The following PCDHA6 variants were observed in gnomAD, a reference collection of about 807,000 sequenced individuals.
The protein encoded by PCDHA6 is protocadherin alpha 6, also known as protocadherin alpha-6.
In PCDHA6, 55 loss-of-function variants were observed where a neutral mutation model predicts 60.3. The observed-to-expected ratio is 0.91, with a 90% CI of 0.73 to 1.14. The LOEUF is 1.14. Among genes scored for constraint, PCDHA6 ranks in the 50% most tolerant of loss-of-function variants. The pLI, the probability that PCDHA6 is intolerant of heterozygous loss-of-function variation, is 0.00. For synonymous variants in PCDHA6, 652 were observed against 557.9 expected (o/e 1.17, Z -2.38); for missense variants, 1,327 against 1,256.5 (o/e 1.06, Z -0.85).
At chr5:140,944,608 G>T (rs2093673405) in intron 1 of PCDHA6, among the ~76,000 whole-genome samples, 1 of 152,176 alleles carries the variant, frequency 6.6e-6, no homozygotes, top group Non-Finnish European at 1.5e-5. Context: ...AGAGTAGTGT[G>T]CTGTAGAAGT....
intron 1 of PCDHA6, chr5:140,863,482 A>C (rs2048042905): frequency 4.3e-6 from 2 of 466,950 alleles, no homozygotes; most frequent in East Asian, 1.2e-4. Context: ...TCGCCTCCCA[A>C]GGTCAACATT....
chr5:140,848,579 C>A lies in PCDHA6; in HGVS notation c.2394+18094C>A, dbSNP rs2150413279. Reference sequence around the variant, plus strand: ...TCCTCGCAATGTGGGTGGTGGGGAGCGGCCAGCTCCACTACTCCGTCCCGG... The same window carrying A: ...TCCTCGCAATGTGGGTGGTGGGGAGAGGCCAGCTCCACTACTCCGTCCCGG... On this transcript the variant is annotated intron_variant, in intron 1 of 3. Transcript: ENST00000529310. 0.52 allele frequency: 831,192 copies of A among 1,591,790 alleles called. 256,408 individuals are homozygous for A. Among genetic ancestry groups the A allele is most frequent in the South Asian group, 0.62 (55,610 of 90,064 alleles).
rs782207845 is a variant in PCDHA6, at chr5:140,829,779, C to T, written c.1688C>T (p.Pro563Leu). Residue 563 changes from proline to leucine, a missense_variant, in exon 1 of 4, where the codon CCG becomes CTG. Transcript: ENST00000529310. ...GTGCTGGACGAGAACGACAACGCGCCGGCGCTGCTGGCGCCTCGGGTGGGT... is the reference window on the plus strand; with the variant it reads ...GTGCTGGACGAGAACGACAACGCGCTGGCGCTGCTGGCGCCTCGGGTGGGT... ...VFVLDENDNAPALLAPRVGGT... is the reference protein window; with the variant it reads ...VFVLDENDNALALLAPRVGGT... 10 of 1,613,790 alleles carry T rather than the reference C, an allele frequency of 6.2e-6. No homozygotes were observed. Among genetic ancestry groups the T allele is most frequent in the Non-Finnish European group, 6.8e-6 (8 of 1,179,862 alleles).
At chr5:140,987,444 C>T (rs2097254283) in intron 3 of PCDHA6, among the ~76,000 whole-genome samples, 2 of 151,998 alleles carry the variant, frequency 1.3e-5, no homozygotes, top group Admixed American at 6.6e-5. Flanking sequence ...TCCCCATGCC[C>T]GAGAGATAAT....
intron 1 of PCDHA6, chr5:140,850,108 G>C (rs2150467680): frequency 6.3e-7 from 1 of 1,596,108 alleles, no homozygotes; most frequent in East Asian, 2.2e-5. Context: ...GTGAGCGCGC[G>C]CGACGCGGGC....
chr5:140,916,687 T>G (rs265312), intron 1 of PCDHA6, among the ~76,000 whole-genome samples: 87,944 of 152,010 alleles, frequency 0.58, 26,395 homozygotes, highest in African/African-American at 0.75. Flanking sequence ...TTTACTCTTT[T>G]CTCTCCTCTC....
intron 1 of PCDHA6, among the ~76,000 whole-genome samples, chr5:140,886,431 ATTTG>A (rs1272820447): frequency 6.6e-6 from 1 of 152,012 alleles, no homozygotes; most frequent in East Asian, 1.9e-4. Context: ...ATTTCTATTC[ATTTG>A]TTTGTACTAA....
intron 1 of PCDHA6, among the ~76,000 whole-genome samples, chr5:140,887,378 G>C (rs1407679123): frequency 6.6e-6 from 1 of 152,176 alleles, no homozygotes; most frequent in East Asian, 1.9e-4. Flanking sequence ...TTACAGGTGT[G>C]AGCCACCGCG....
chr5:140,876,306 C>A (rs2056271023), intron 1 of PCDHA6: 1 of 1,613,986 alleles, frequency 6.2e-7, no homozygotes, highest in Non-Finnish European at 8.5e-7. Context: ...GAGAAATTTC[C>A]TATGGGATCA....
At chr5:140,860,205 A>G (rs1007227708) in intron 1 of PCDHA6, 2 of 149,744 alleles carry the variant, frequency 1.3e-5, no homozygotes, top group East Asian at 3.9e-4. Flanking sequence ...ATATATCTAT[A>G]TATGTACTTA....
chr5:140,967,240 C>T, intron 1 of PCDHA6: 1 of 1,613,644 alleles, frequency 6.2e-7, no homozygotes, highest in African/African-American at 1.3e-5. Flanking sequence ...TTCAGGTAAG[C>T]GAATCGGTGG....
chr5:140,912,235 C>G (rs562096532), intron 1 of PCDHA6, among the ~76,000 whole-genome samples: 2 of 151,858 alleles, frequency 1.3e-5, no homozygotes, highest in South Asian at 4.2e-4. Context: ...TCCACTGACT[C>G]AAATGTTAAT....
intron 1 of PCDHA6, among the ~76,000 whole-genome samples, chr5:140,970,092 A>C (rs1554232243): frequency 6.6e-6 from 1 of 151,978 alleles, no homozygotes; most frequent in East Asian, 1.9e-4. Context: ...GTGTGGGGGG[A>C]TGGTGAAGAC....
intron 1 of PCDHA6, among the ~76,000 whole-genome samples, chr5:140,960,257 C>T (rs1554224600): frequency 6.6e-6 from 1 of 152,186 alleles, no homozygotes; most frequent in African/African-American, 2.4e-5. Flanking sequence ...CCTGGAGCTT[C>T]TGATAAATTC....
rs551606343 is a variant in PCDHA6 at position 140,977,430 on chromosome 5, G to A, written c.2395-1519G>A. Among the ~76,000 whole-genome samples, 14 of 152,252 alleles carry A rather than the reference G, an allele frequency of 9.2e-5. No homozygotes were observed. The South Asian group carries it at 2.5e-3, about 27-fold the overall frequency. The stretch of plus-strand genomic sequence containing the variant: ...ATTTTCTTTTGTTCCCTCTAACACC[G>A]CTAGTAGATAATGGAAACTCCTTTG... On this transcript the variant is annotated intron_variant, in intron 1 of 3. Coordinates refer to ENST00000529310, the MANE Select transcript of PCDHA6 (RefSeq NM_018909.4).
intron 1 of PCDHA6, chr5:140,927,577 A>T: frequency 6.2e-7 from 1 of 1,614,170 alleles, no homozygotes; most frequent in Non-Finnish European, 8.5e-7. Flanking sequence ...CACAAATGAC[A>T]ACGCGCCTGT....
At chr5:140,971,034 A>G (rs576529050) in intron 1 of PCDHA6, among the ~76,000 whole-genome samples, 1 of 152,202 alleles carries the variant, frequency 6.6e-6, no homozygotes, top group Non-Finnish European at 1.5e-5. Context: ...ATTTGAAAGC[A>G]CGTAAAAGGG....
rs1386939569 is a variant in PCDHA6 at position 140,856,853 on chromosome 5, G to C, written c.2394+26368G>C. The C allele has an allele frequency of 6.9e-6, 11 of 1,594,152 alleles. 1 individual carries two copies. The highest frequency in any genetic ancestry group is 9.4e-6 in the Non-Finnish European group (11 of 1,164,260). ...AATACGGCTCAACGCTTCTGATTCG[G>C]ATGAAGGAATAAACAAGGAAATGAT... On this transcript the variant is annotated intron_variant, in intron 1 of 3. Coordinates refer to ENST00000529310, the MANE Select transcript of PCDHA6 (RefSeq NM_018909.4).
At chr5:140,974,108 C>G (rs977903039) in intron 1 of PCDHA6, among the ~76,000 whole-genome samples, 1 of 152,182 alleles carries the variant, frequency 6.6e-6, no homozygotes, top group Non-Finnish European at 1.5e-5. Flanking sequence ...TAAAAGTATT[C>G]TTTTGCAGTG....
Sources: allele counts gnomAD v4.1 joint callset (sites outside exome capture counted in the v4.1 genomes callset), GRCh38; gene constraint gnomAD v4.1.1; transcripts MANE v1.5; gene names NCBI Gene and HGNC (gene_info 2026-07-23, HGNC 2026-07-21).